Variants in CLN8 observed in about 807,000 individuals in gnomAD.
The protein encoded by CLN8 is protein CLN8.
CLN8 carries 14 observed loss-of-function variants against 15.7 expected under a neutral mutation model. The observed-to-expected ratio is 0.89, with a 90% CI of 0.59 to 1.39. The LOEUF is 1.39. Among genes scored for constraint, CLN8 ranks in the 40% most tolerant of loss-of-function variants. CLN8 has a pLI of 0.00. For synonymous variants in CLN8, 188 were observed against 151.0 expected (o/e 1.25, Z -1.80); for missense variants, 415 against 364.0 (o/e 1.14, Z -1.14).
At chr8:1,776,548 C>T (rs1205154491) in intron 2 of CLN8, among the ~76,000 whole-genome samples, 1 of 152,126 alleles carries the variant, frequency 6.6e-6, no homozygotes, top group Non-Finnish European at 1.5e-5. Context: ...ACAGAAGGTT[C>T]TGGAATCTGG....
intron 2 of CLN8, among the ~76,000 whole-genome samples, chr8:1,776,398 G>A (rs1044201174): frequency 3.3e-5 from 5 of 152,072 alleles, no homozygotes; most frequent in African/African-American, 1.2e-4. Flanking sequence ...GAAGGTTCTG[G>A]AAGGTGAAAT....
At position 1,781,774 on chromosome 8, in the gene CLN8, T is replaced by C. The variant is rs572140070; in HGVS notation, c.*1207T>C. 6.6e-6 allele frequency: 1 copy of C among 152,266 alleles called. No homozygotes were observed. The highest frequency in any genetic ancestry group is 2.4e-5 in the African/African-American group (1 of 41,540). The allele number at this position is 152,266 out of a possible 1,614,324, so 9.4% of individuals were successfully genotyped here. A position where few individuals can be genotyped will look rare whatever the true frequency, so the allele number is the denominator to read the frequency against. Reference sequence around the variant, plus strand: ...GTCATTTTCTCCCTGAGCTGTAGGGTGGACCTGGACCCCTCAGAGATGCTC... The same window carrying C: ...GTCATTTTCTCCCTGAGCTGTAGGGCGGACCTGGACCCCTCAGAGATGCTC... On this transcript the variant is annotated 3_prime_UTR_variant, in exon 3 of 3. Transcript: ENST00000331222.
At chr8:1,756,115 C>T (rs1178870254) in intron 1 of CLN8, 3 of 152,182 alleles carry the variant, frequency 2.0e-5, no homozygotes, top group Admixed American at 6.5e-5. Context: ...TTAACAAATA[C>T]ACCACTTCCC....
chr8:1,778,062 G>A (rs1801583828), intron 2 of CLN8, among the ~76,000 whole-genome samples: 1 of 152,180 alleles, frequency 6.6e-6, no homozygotes, highest in African/African-American at 2.4e-5. Flanking sequence ...CTGCCGCTAT[G>A]GGTCTGAGGG....
At chr8:1,768,304 C>G (rs1045179414) in intron 1 of CLN8, among the ~76,000 whole-genome samples, 3 of 152,124 alleles carry the variant, frequency 2.0e-5, no homozygotes, top group African/African-American at 4.8e-5. Flanking sequence ...CTAAGCCAGC[C>G]GCTCTTCTTG....
rs1262723985 is a variant in CLN8, at chr8:1,771,021, GC to G, written c.-30del. The G allele has an allele frequency of 7.5e-6, 12 of 1,610,428 alleles. No homozygotes were observed. Among genetic ancestry groups the G allele is most frequent in the Non-Finnish European group, 9.3e-6 (11 of 1,177,434 alleles). The stretch of plus-strand genomic sequence containing the variant: ...ACAGTGTAGGGCCCGGCCCGTGTTG[GC>G]CCCAGGACTCCTTTGGAATATAGCT... On this transcript the variant is annotated 5_prime_UTR_variant, in exon 2 of 3. Transcript: ENST00000331222.
At chr8:1,770,413 A>G (rs1303043487) in intron 1 of CLN8, among the ~76,000 whole-genome samples, 1 of 152,186 alleles carries the variant, frequency 6.6e-6, no homozygotes, top group African/African-American at 2.4e-5. Flanking sequence ...GCCGTAGGTC[A>G]CAGTGAGGAG....
At chr8:1,778,877 C>T (rs1018776125) in intron 2 of CLN8, among the ~76,000 whole-genome samples, 1 of 152,166 alleles carries the variant, frequency 6.6e-6, no homozygotes, top group East Asian at 1.9e-4. Flanking sequence ...AATAAGCCCA[C>T]CATAAGTTAA....
At chr8:1,757,386 A>T (rs995581319) in intron 1 of CLN8, among the ~76,000 whole-genome samples, 1 of 152,232 alleles carries the variant, frequency 6.6e-6, no homozygotes, top group Admixed American at 6.5e-5. Flanking sequence ...GTGGCCCCAC[A>T]GTAGCTATCT....
At chr8:1,777,924 C>T (rs1280526198) in intron 2 of CLN8, among the ~76,000 whole-genome samples, 4 of 152,216 alleles carry the variant, frequency 2.6e-5, no homozygotes, top group Non-Finnish European at 5.9e-5. Context: ...TTGTTCAGCT[C>T]CATTATAATC....
chr8:1,772,885 C>T (rs769281797), intron 2 of CLN8: 1 of 398,554 alleles, frequency 2.5e-6, no homozygotes. Context: ...CAGCCATTCA[C>T]ACAAATGGGT....
At chr8:1,779,496 C>T (rs933982919) in intron 2 of CLN8, among the ~76,000 whole-genome samples, 9 of 152,232 alleles carry the variant, frequency 5.9e-5, no homozygotes, top group Non-Finnish European at 1.0e-4. Flanking sequence ...CTACCCACTT[C>T]GGCCTCCCAA....
chr8:1,780,511 G>A lies in CLN8; in HGVS notation c.805G>A (p.Glu269Lys). Residue 269 changes from glutamate to lysine, a missense_variant, in exon 3 of 3, where the codon GAA (glutamate) becomes AAA (lysine). By Grantham distance (56) the Glu-to-Lys change is moderately conservative. Transcript: ENST00000331222. ...GGTGGACTGGAACTTCGCACAGCCAGAAGCCAAGAGCAGGCCAGAAGGCAA... is the reference window on the plus strand; with the variant it reads ...GGTGGACTGGAACTTCGCACAGCCAAAAGCCAAGAGCAGGCCAGAAGGCAA... ...NPVDWNFAQP[E>K]AKSRPEGNGQ... 1 of 1,614,232 alleles carries A rather than the reference G, an allele frequency of 6.2e-7. No homozygotes were observed. Among genetic ancestry groups the A allele is most frequent in the Non-Finnish European group, 8.5e-7 (1 of 1,180,050 alleles).
rs1484349370 is a variant in CLN8 at position 1,783,913 on chromosome 8, G to A, written c.*3346G>A. 1 of 152,208 alleles carries A rather than the reference G, an allele frequency of 6.6e-6. No individual in the cohort carries two copies. The highest frequency in any genetic ancestry group is 1.5e-5 in the Non-Finnish European group (1 of 68,056). The allele number at this position is 152,208 out of a possible 1,614,324, so 9.4% of individuals were successfully genotyped here. On this transcript the variant is annotated 3_prime_UTR_variant, in exon 3 of 3. Transcript: ENST00000331222. ...GCGCCAGAGCTGGGCTCTTCAACAC[G>A]GCATTTAGCGCAGAAAGTCGTGGTT...
intron 1 of CLN8, among the ~76,000 whole-genome samples, chr8:1,769,798 T>A (rs1370115367): frequency 6.6e-6 from 1 of 152,154 alleles, no homozygotes; most frequent in Non-Finnish European, 1.5e-5. Flanking sequence ...GTTCCATAAA[T>A]GTTTCTTGAG....
chr8:1,767,386 G>T (rs1298442516), intron 1 of CLN8, among the ~76,000 whole-genome samples: 1 of 152,070 alleles, frequency 6.6e-6, no homozygotes, highest in African/African-American at 2.4e-5. Context: ...ACCTGTTTCT[G>T]TTTCCATGTC....
At chr8:1,772,732 G>C (rs1243761068) in intron 2 of CLN8, among the ~76,000 whole-genome samples, 2 of 152,032 alleles carry the variant, frequency 1.3e-5, no homozygotes, top group Admixed American at 1.3e-4. Context: ...TCCCCGCCTT[G>C]GCCTCCCAAA....
At position 1,780,330 on chromosome 8, in the gene CLN8, C is replaced by G. The variant is rs1257327513; in HGVS notation, c.624C>G (p.Thr208=). The G allele has an allele frequency of 2.5e-6, 4 of 1,614,150 alleles. No individual in the cohort carries two copies. In the African/African-American group the frequency reaches 5.3e-5, roughly 22 times the overall value. The part of the protein sequence containing the change: ...IHMFHCRMVL[T]YHMWWVCFWH... ...TGTTTCACTGCCGCATGGTTCTAACCTACCACATGTGGTGGGTGTGTTTCT... is the reference window on the plus strand; with the variant it reads ...TGTTTCACTGCCGCATGGTTCTAACGTACCACATGTGGTGGGTGTGTTTCT... The change falls in exon 3 of 3, where the codon ACC becomes ACG. Residue 208 remains threonine, a synonymous_variant. Transcript: ENST00000331222.
chr8:1,769,528 G>C (rs1801215393), intron 1 of CLN8, among the ~76,000 whole-genome samples: 1 of 152,168 alleles, frequency 6.6e-6, no homozygotes, highest in Non-Finnish European at 1.5e-5. Context: ...CCCACTCCCT[G>C]CAGAAATTCC....
Sources: allele counts gnomAD v4.1 joint callset (sites outside exome capture counted in the v4.1 genomes callset), GRCh38; gene constraint gnomAD v4.1.1; transcripts MANE v1.5; gene names NCBI Gene and HGNC (gene_info 2026-07-23, HGNC 2026-07-21).